The following MGAT4C variants were observed in gnomAD, a reference collection of about 807,000 sequenced individuals.
MGAT4C encodes the protein alpha-1,3-mannosyl-glycoprotein 4-beta-N-acetylglucosaminyltransferase C.
A neutral mutation model predicts 40.1 loss-of-function variants in MGAT4C; 19 were observed. The observed-to-expected ratio is 0.47, with a 90% CI of 0.33 to 0.70. MGAT4C has a LOEUF of 0.70. Ranked by LOEUF, MGAT4C falls within the 30% of genes least tolerant of loss-of-function variation. MGAT4C has a pLI of 0.02. For synonymous variants in MGAT4C, 181 were observed against 187.1 expected (o/e 0.97, Z 0.27); for missense variants, 491 against 563.2 (o/e 0.87, Z 1.30).
intron 2 of MGAT4C, among the ~76,000 whole-genome samples, chr12:86,667,484 G>A (rs1964141586): frequency 6.6e-6 from 1 of 152,200 alleles, no homozygotes; most frequent in African/African-American, 2.4e-5. Flanking sequence ...AAATCAGACT[G>A]TGACTTAAGC....
At chr12:86,412,041 T>C (rs2136246414) in intron 3 of MGAT4C, among the ~76,000 whole-genome samples, 1 of 152,306 alleles carries the variant, frequency 6.6e-6, no homozygotes, top group Admixed American at 6.5e-5. Flanking sequence ...GGACGAGAGT[T>C]AAGGCTTAGG....
At chr12:86,555,737 T>C (rs962234622) in intron 2 of MGAT4C, among the ~76,000 whole-genome samples, 10 of 152,202 alleles carry the variant, frequency 6.6e-5, no homozygotes, top group African/African-American at 2.4e-4. Flanking sequence ...AGCGCCCTTT[T>C]GACCCCCACA....
At chr12:86,393,712 T>A (rs959896915) in intron 3 of MGAT4C, among the ~76,000 whole-genome samples, 1 of 152,152 alleles carries the variant, frequency 6.6e-6, no homozygotes, top group Non-Finnish European at 1.5e-5. Flanking sequence ...TAATCACTGA[T>A]TCTCAATGGG....
chr12:86,672,039 A>G lies in MGAT4C; in HGVS notation c.-229+55170T>C, dbSNP rs75559779. On this transcript the variant is annotated intron_variant, in intron 2 of 7. Coordinates refer to the MGAT4C transcript ENST00000548651. The stretch of plus-strand genomic sequence containing the variant: ...CAGAATAGATCATATGTTAGGTGGT[A>G]AAAGAAGTGTTAAAACATTCAGAAC... Among the ~76,000 whole-genome samples the G allele has an allele frequency of 4.7e-3, 719 of 152,294 alleles. 4 individuals carry two copies. The highest frequency in any genetic ancestry group is 0.017 in the African/African-American group (692 of 41,586).
chr12:86,307,015 T>C (rs1359437636), intron 4 of MGAT4C, among the ~76,000 whole-genome samples: 1 of 150,480 alleles, frequency 6.6e-6, no homozygotes, highest in Non-Finnish European at 1.5e-5. Flanking sequence ...TATGCAGAAA[T>C]CATTTTTAGA....
rs371575244 is a variant in MGAT4C, at chr12:86,557,575, A to G, written c.-228-122310T>C. On this transcript the variant is annotated intron_variant, in intron 2 of 7. Coordinates refer to the MGAT4C transcript ENST00000548651. ...AGAAAAGCTTCACCAATCCTTCACT[A>G]AAAACCACAGCCTAAGTCATGAGGA... Among the ~76,000 whole-genome samples the G allele has an allele frequency of 1.5e-4, 23 of 152,304 alleles. No individual in the cohort carries two copies. The East Asian group carries it at 4.1e-3, about 27-fold the overall frequency.
chr12:86,169,615 T>A (rs867454233), intron 1 of MGAT4C, among the ~76,000 whole-genome samples: 13 of 152,192 alleles, frequency 8.5e-5, no homozygotes, highest in African/African-American at 3.1e-4. Flanking sequence ...TATTAATTCA[T>A]CTCTCTACTC....
intron 3 of MGAT4C, among the ~76,000 whole-genome samples, chr12:86,378,520 A>G (rs1244047559): frequency 6.6e-6 from 1 of 152,178 alleles, no homozygotes; most frequent in East Asian, 1.9e-4. Flanking sequence ...GAAAGAAAAA[A>G]AGAGCAAACA....
intron 1 of MGAT4C, among the ~76,000 whole-genome samples, chr12:86,117,378 A>G (rs1039378931): frequency 6.6e-6 from 1 of 152,170 alleles, no homozygotes; most frequent in Non-Finnish European, 1.5e-5. Context: ...TATTATTTGA[A>G]AAAGCACTTT....
intron 3 of MGAT4C, among the ~76,000 whole-genome samples, chr12:86,387,901 C>G (rs533808804): frequency 6.6e-6 from 1 of 152,158 alleles, no homozygotes; most frequent in Middle Eastern, 3.4e-3. Flanking sequence ...CTGAAAGGCA[C>G]TATGACAAAA....
intron 1 of MGAT4C, among the ~76,000 whole-genome samples, chr12:86,735,279 A>C (rs1950967530): frequency 6.6e-6 from 1 of 151,964 alleles, no homozygotes; most frequent in Admixed American, 6.6e-5. Context: ...AGAGAGGGTC[A>C]GTGAGTTGGG....
intron 1 of MGAT4C, among the ~76,000 whole-genome samples, chr12:86,118,210 T>C (rs574294595): frequency 6.6e-6 from 1 of 152,256 alleles, no homozygotes; most frequent in African/African-American, 2.4e-5. Context: ...TGCAACTCTT[T>C]TATGAGCCTT....
At chr12:86,768,645 G>A (rs1036391618) in intron 1 of MGAT4C, among the ~76,000 whole-genome samples, 1 of 151,810 alleles carries the variant, frequency 6.6e-6, no homozygotes, top group African/African-American at 2.4e-5. Flanking sequence ...AACCAAAACA[G>A]CATGGTACTG....
At chr12:86,587,305 G>T (rs1270853898) in intron 2 of MGAT4C, among the ~76,000 whole-genome samples, 1 of 152,016 alleles carries the variant, frequency 6.6e-6, no homozygotes, top group Non-Finnish European at 1.5e-5. Context: ...CTGTTCCATT[G>T]ATCTATATCT....
intron 3 of MGAT4C, among the ~76,000 whole-genome samples, chr12:86,402,304 A>G (rs1212089475): frequency 6.6e-6 from 1 of 152,114 alleles, no homozygotes; most frequent in Non-Finnish European, 1.5e-5. Context: ...ATGTGCCTGT[A>G]ATCCCAGCTA....
chr12:86,016,681 T>A (rs528863922), intron 2 of MGAT4C, among the ~76,000 whole-genome samples: 22 of 152,256 alleles, frequency 1.4e-4, no homozygotes, highest in Non-Finnish European at 2.9e-4. Flanking sequence ...TTAAACTACT[T>A]AGAAGCACAT....
At chr12:86,469,562 C>G (rs191324089) in intron 2 of MGAT4C, among the ~76,000 whole-genome samples, 1 of 152,248 alleles carries the variant, frequency 6.6e-6, no homozygotes, top group East Asian at 1.9e-4. Context: ...ATCTTGTTAA[C>G]AGTCATGTGA....
chr12:86,432,380 A>G (rs959526538), intron 3 of MGAT4C, among the ~76,000 whole-genome samples: 14 of 152,080 alleles, frequency 9.2e-5, no homozygotes, highest in African/African-American at 3.4e-4. Flanking sequence ...CCAGCCAAAT[A>G]TTGGTAGAGA....
At chr12:86,245,200 A>G (rs576825398) in intron 1 of MGAT4C, among the ~76,000 whole-genome samples, 7 of 152,280 alleles carry the variant, frequency 4.6e-5, no homozygotes, top group African/African-American at 1.7e-4. Context: ...AAATCCACCA[A>G]GGTTCTACAA....
Sources: allele counts gnomAD v4.1 joint callset (sites outside exome capture counted in the v4.1 genomes callset), GRCh38; gene constraint gnomAD v4.1.1; transcripts MANE v1.5; gene names NCBI Gene and HGNC (gene_info 2026-07-23, HGNC 2026-07-21).